PKD2: variants seen among roughly 807,000 people sequenced by gnomAD.
The protein encoded by PKD2 is polycystin-2.
Under a neutral mutation model 105.9 loss-of-function variants are expected in PKD2, and 48 were observed. That is an observed-to-expected ratio of 0.45 (90% CI 0.36 to 0.58). The LOEUF is 0.58. PKD2 is among the 20% of genes least tolerant of loss of function. The probability of loss-of-function intolerance (pLI) is 0.00; values close to 1 mark genes in which losing one functional copy is unlikely to be tolerated. For missense variants in PKD2, 1,078 were observed against 1,255.3 expected (o/e 0.86, Z 2.13); for synonymous variants, 464 against 481.1 (o/e 0.96, Z 0.46).
chr4:88,020,646 C>T (rs1254822683), intron 2 of PKD2, among the ~76,000 whole-genome samples: 1 of 151,956 alleles, frequency 6.6e-6, no homozygotes, highest in Non-Finnish European at 1.5e-5. Context: ...TTTATGACCC[C>T]AGAGCCTCCT....
chr4:88,055,069 C>T (rs1227399574), intron 7 of PKD2, among the ~76,000 whole-genome samples: 18 of 152,198 alleles, frequency 1.2e-4, no homozygotes, highest in Non-Finnish European at 1.0e-4. Context: ...CTCAATATGG[C>T]TTTGCAGGGT....
intron 2 of PKD2, among the ~76,000 whole-genome samples, chr4:88,030,437 A>G (rs1223366134): frequency 6.6e-6 from 1 of 152,132 alleles, no homozygotes; most frequent in East Asian, 1.9e-4. Context: ...TGCTATCTCA[A>G]CGTCAAGATA....
rs1231237504 is a variant in PKD2, at chr4:88,038,330, T to G, written c.923T>G (p.Phe308Cys). The G allele has an allele frequency of 6.2e-7, 1 of 1,614,126 alleles. No homozygotes were observed. Among genetic ancestry groups the G allele is most frequent in the Non-Finnish European group, 8.5e-7 (1 of 1,179,952 alleles). The change falls in exon 4 of 15, where the codon TTC becomes TGC. Residue 308 changes from phenylalanine (F) to cysteine (C), a missense_variant. By Grantham distance (205) the Phe-to-Cys change is radical (BLOSUM62 -2). This residue lies in a region of PKD2 where 868 missense variants were observed against 1,067.3 expected (regional missense o/e 0.81). Transcript: ENST00000237596. ...SNQTEADNRS[F>C]IFYENLLLGV... ...CAGACTGAAGCTGACAACCGAAGTT[T>G]CATCTTCTATGAGAACCTGCTGTTA...
rs941767693 is a variant in PKD2 at position 88,008,186 on chromosome 4, C to G, written c.453C>G (p.Ser151Arg). The change falls in exon 1 of 15, where the codon AGC (serine) becomes AGG (arginine). Residue 151 changes from serine to arginine, a missense_variant. This residue lies in a region of PKD2 where 868 missense variants were observed against 1,067.3 expected (regional missense o/e 0.81). Coordinates refer to ENST00000237596, the MANE Select transcript of PKD2 (RefSeq NM_000297.4). ...GCTACCACGGCGCGGGCCACCCGAG[C>G]GGGAGGCGGCGCCGGCGAGAGGACC... The part of the protein sequence containing the change: ...LGGYHGAGHP[S>R]GRRRRREDQG... The G allele has an allele frequency of 7.3e-7, 1 of 1,363,778 alleles. No homozygotes were observed. 84.5% of individuals were successfully genotyped at this position (1,363,778 alleles called of 1,614,324 possible).
At chr4:88,021,973 C>T (rs930637108) in intron 2 of PKD2, among the ~76,000 whole-genome samples, 1 of 152,156 alleles carries the variant, frequency 6.6e-6, no homozygotes, top group African/African-American at 2.4e-5. Context: ...CATCAGAGTC[C>T]CTAAGAAAGC....
At position 88,052,096 on chromosome 4, in the gene PKD2, G is replaced by C. The variant is rs369908107; in HGVS notation, c.1654G>C (p.Ala552Pro). 133 of 1,604,780 alleles carry C rather than the reference G, an allele frequency of 8.3e-5. No homozygotes were observed. Among genetic ancestry groups the C allele is most frequent in the Non-Finnish European group, 1.1e-4 (128 of 1,171,848 alleles). The change falls in exon 7 of 15, where the codon GCA becomes CCA. Residue 552 changes from alanine to proline, a missense_variant. Physicochemically the swap from Ala to Pro is conservative, Grantham distance 27. Transcript: ENST00000237596. ...TACTTTCCCCAACTTTGAGCATCTG[G>C]CATATTGGCAGATACAGTTCAACAA... ...QNTFPNFEHL[A>P]YWQIQFNNIA... is the part of the protein sequence containing the mutation.
intron 12 of PKD2, among the ~76,000 whole-genome samples, 176 bp downstream of exon 12, chr4:88,066,055 A>G (rs1304074063): frequency 3.9e-5 from 6 of 152,362 alleles, no homozygotes; most frequent in Non-Finnish European, 8.8e-5. Context: ...AATATATAAC[A>G]CAATTATGTA....
At chr4:88,072,735 A>T (rs879945659) in intron 13 of PKD2, among the ~76,000 whole-genome samples, 1 of 152,116 alleles carries the variant, frequency 6.6e-6, no homozygotes, top group Non-Finnish European at 1.5e-5. Flanking sequence ...CCTCTGCAAC[A>T]TGCATTTAAG....
At chr4:88,062,975 A>C (rs897925971) in intron 10 of PKD2, among the ~76,000 whole-genome samples, 7 of 152,184 alleles carry the variant, frequency 4.6e-5, no homozygotes, top group African/African-American at 1.7e-4. Context: ...CACCACCTTC[A>C]ACAACACAGT....
intron 4 of PKD2, among the ~76,000 whole-genome samples, 190 bp downstream of exon 4, chr4:88,038,691 T>C (rs1727434499): frequency 6.6e-6 from 1 of 152,240 alleles, no homozygotes; most frequent in Non-Finnish European, 1.5e-5. Context: ...TTCTTAGCCT[T>C]CTTTTAGTTT....
At chr4:88,055,964 G>T (rs567008351) in intron 7 of PKD2, 122 bp from the exon 8 acceptor site, 7 of 746,990 alleles carry the variant, frequency 9.4e-6, no homozygotes, top group East Asian at 2.5e-5. Context: ...TGTTTTCAAG[G>T]TTCATCCATG....
At position 88,056,193 on chromosome 4, in the gene PKD2, C is replaced by A; in HGVS notation, c.1824C>A (p.Phe608Leu). ...TTGCTATTATGTTCTTCATTATTTT[C>A]CTAGCGTATGCTCAGTTGGCATACC... ...FGFAIMFFIIFLAYAQLAYLV... is the reference protein window; with the variant it reads ...FGFAIMFFIILLAYAQLAYLV... Residue 608 changes from phenylalanine (F) to leucine (L), a missense_variant, in exon 8 of 15, where the codon TTC becomes TTA. By Grantham distance (22) the Phe-to-Leu change is conservative. Coordinates refer to ENST00000237596, the MANE Select transcript of PKD2 (RefSeq NM_000297.4). The A allele has an allele frequency of 1.2e-6, 2 of 1,613,560 alleles. No individual in the cohort carries two copies. Among genetic ancestry groups the A allele is most frequent in the Non-Finnish European group, 8.5e-7 (1 of 1,179,548 alleles).
chr4:88,053,643 T>G, intron 7 of PKD2, among the ~76,000 whole-genome samples: 1 of 142,356 alleles, frequency 7.0e-6, no homozygotes, highest in African/African-American at 2.8e-5. Flanking sequence ...GGCAACAGAG[T>G]GAGACCCTGT....
At chr4:88,075,410 G>T (rs376836672) in intron 14 of PKD2, 48 bp from the exon 15 acceptor site, 2 of 1,326,294 alleles carry the variant, frequency 1.5e-6, no homozygotes, top group Admixed American at 1.7e-5. Flanking sequence ...ACTTCCTAAG[G>T]CATTTCCTTC....
chr4:88,049,969 A>T (rs1316984991), intron 6 of PKD2, among the ~76,000 whole-genome samples: 1 of 118,540 alleles, frequency 8.4e-6, no homozygotes, highest in Non-Finnish European at 1.7e-5. Flanking sequence ...TACAGGGTAA[A>T]TTTTTTTTTT....
chr4:88,011,902 G>C (rs111628807), intron 1 of PKD2, among the ~76,000 whole-genome samples: 5 of 146,072 alleles, frequency 3.4e-5, no homozygotes, highest in East Asian at 2.1e-4. Flanking sequence ...ATGGGGGGGG[G>C]GGGGAGGGGC....
chr4:88,066,455 G>A (rs545652111), intron 12 of PKD2, among the ~76,000 whole-genome samples: 6 of 150,204 alleles, frequency 4.0e-5, no homozygotes, highest in African/African-American at 1.2e-4. Flanking sequence ...TCCACCTCCC[G>A]GGTTCAAGCG....
At chr4:88,008,429 A>C in intron 1 of PKD2, 101 bp downstream of exon 1, 1 of 1,395,378 alleles carries the variant, frequency 7.2e-7, no homozygotes, top group Non-Finnish European at 9.4e-7. Context: ...TCCATCTCGC[A>C]TCCCCTCTGC....
chr4:88,063,538 A>AAAAAAG (rs1720662491), intron 10 of PKD2, among the ~76,000 whole-genome samples: 1 of 152,114 alleles, frequency 6.6e-6, no homozygotes. Context: ...TCTCAAAAAA[A>AAAAAAG]AAAAAGAAAA....
Sources: allele counts gnomAD v4.1 joint callset (sites outside exome capture counted in the v4.1 genomes callset), GRCh38; gene constraint gnomAD v4.1.1; regional missense constraint gnomAD v4.1.1; transcripts MANE v1.5; gene names NCBI Gene and HGNC (gene_info 2026-07-23, HGNC 2026-07-21).